Variants in FLRT2 observed in about 807,000 individuals in gnomAD.
FLRT2 encodes the protein leucine-rich repeat transmembrane protein FLRT2.
FLRT2 carries 15 observed loss-of-function variants against 40.0 expected under a neutral mutation model. The ratio of observed to expected loss-of-function variants is 0.38; its 90% CI spans 0.25 to 0.58. The LOEUF is 0.58. FLRT2 is among the 20% of genes least tolerant of loss of function. The pLI is 0.71. For missense variants in FLRT2, 726 were observed against 840.0 expected (o/e 0.86, Z 1.68); for synonymous variants, 380 against 336.8 (o/e 1.13, Z -1.41).
intron 1 of FLRT2, among the ~76,000 whole-genome samples, chr14:85,584,801 A>C (rs1312955034): frequency 1.3e-5 from 2 of 152,026 alleles, no homozygotes; most frequent in African/African-American, 4.8e-5. Flanking sequence ...TGGTGGGTTC[A>C]GGCAACGCTG....
chr14:85,532,655 A>C (rs1169754956), intron 1 of FLRT2, among the ~76,000 whole-genome samples: 1 of 152,156 alleles, frequency 6.6e-6, no homozygotes, highest in Non-Finnish European at 1.5e-5. Context: ...GGGGGTGTTT[A>C]AATTAATCCT....
Position 85,631,826 on chromosome 14 carries a change from T to A in FLRT2, c.*8329T>A, listed in dbSNP as rs1893881634. 3 of 152,080 alleles carry A rather than the reference T, an allele frequency of 2.0e-5. No homozygotes were observed. Among genetic ancestry groups the A allele is most frequent in the African/African-American group, 7.2e-5 (3 of 41,406 alleles). The allele number at this position is 152,080 out of a possible 1,614,324, so 9.4% of individuals were successfully genotyped here. A position where few individuals can be genotyped will look rare whatever the true frequency, so the allele number is the denominator to read the frequency against. On this transcript the variant is annotated 3_prime_UTR_variant, in exon 2 of 2. Transcript: ENST00000330753. The stretch of plus-strand genomic sequence containing the variant: ...AGACCTGAAGAACATCTTTTTATTT[T>A]ATTTATTTATTTTTTTTTGAGTTGG...
chr14:85,534,069 CCT>C (rs74844831), intron 1 of FLRT2, among the ~76,000 whole-genome samples: 28,734 of 152,096 alleles, frequency 0.19, 3,203 homozygotes, highest in Non-Finnish European at 0.24. Flanking sequence ...CCTTCCTGGC[CCT>C]CGCGGGTCTG....
intron 1 of FLRT2, among the ~76,000 whole-genome samples, chr14:85,547,325 CT>C (rs57883277): frequency 0.32 from 43,803 of 138,976 alleles, 6,405 homozygotes; most frequent in Middle Eastern, 0.43. Context: ...TTCTTTCTTT[CT>C]TTTTTTTTTT....
chr14:85,552,183 T>C (rs1344076190), intron 1 of FLRT2, among the ~76,000 whole-genome samples: 1 of 152,208 alleles, frequency 6.6e-6, no homozygotes, highest in Admixed American at 6.5e-5. Flanking sequence ...GCAGTTCTAG[T>C]AATTCTCTGA....
rs1163645624 is a variant in FLRT2 at position 85,636,388 on chromosome 14, C to T, written c.*12891C>T. The T allele has an allele frequency of 1.1e-4, 1 of 8,772 alleles. No homozygotes were observed. Among genetic ancestry groups the T allele is most frequent in the Non-Finnish European group, 1.9e-4 (1 of 5,402 alleles). 0.5% of individuals were successfully genotyped at this position (8,772 alleles called of 1,614,324 possible). A position where few individuals can be genotyped will look rare whatever the true frequency, so the allele number is the denominator to read the frequency against. ...GGAAAATCAAAGGTGAAGTCACCTGCAGAAAAAAAAAAAAAAAAAACAAAA... is the reference window on the plus strand; with the variant it reads ...GGAAAATCAAAGGTGAAGTCACCTGTAGAAAAAAAAAAAAAAAAAACAAAA... On this transcript the variant is annotated 3_prime_UTR_variant, in exon 2 of 2. Coordinates refer to ENST00000330753, the MANE Select transcript of FLRT2 (RefSeq NM_013231.6).
rs1219795548 is a variant in FLRT2, at chr14:85,637,242, C to A, written c.*13745C>A. ...TAACAAGTAGTTGAAAATATTATCC[C>A]TCTAAGTATTAGAAAGTTAAACTGC... On this transcript the variant is annotated 3_prime_UTR_variant, in exon 2 of 2. Coordinates refer to ENST00000330753, the MANE Select transcript of FLRT2 (RefSeq NM_013231.6). The A allele has an allele frequency of 6.6e-6, 1 of 152,098 alleles. No homozygotes were observed. Among genetic ancestry groups the A allele is most frequent in the Admixed American group, 6.5e-5 (1 of 15,268 alleles). 9.4% of individuals were successfully genotyped at this position (152,098 alleles called of 1,614,324 possible).
At chr14:85,567,636 T>A (rs1458412630) in intron 1 of FLRT2, among the ~76,000 whole-genome samples, 1 of 9,788 alleles carries the variant, frequency 1.0e-4, no homozygotes, top group Non-Finnish European at 3.1e-4. Flanking sequence ...GTGACTTACA[T>A]TTTTTTTTTT....
At chr14:85,619,874 C>T (rs1183902928) in intron 1 of FLRT2, among the ~76,000 whole-genome samples, 2 of 152,198 alleles carry the variant, frequency 1.3e-5, no homozygotes, top group Non-Finnish European at 2.9e-5. Context: ...GCCTTGACTT[C>T]CTCAACTGTG....
chr14:85,642,075 C>A lies in FLRT2; in HGVS notation c.*18578C>A, dbSNP rs1271341093. Reference sequence around the variant, plus strand: ...CAAGGCAAGTCAGAGGTCCAAGGAGCATCTATGATTATCTCCGACACTATT... The same window carrying A: ...CAAGGCAAGTCAGAGGTCCAAGGAGAATCTATGATTATCTCCGACACTATT... On this transcript the variant is annotated 3_prime_UTR_variant, in exon 2 of 2. Transcript: ENST00000330753. 1.4e-5 allele frequency: 2 copies of A among 143,606 alleles called. No individual in the cohort carries two copies. The highest frequency in any genetic ancestry group is 5.2e-5 in the African/African-American group (2 of 38,484). The allele number at this position is 143,606 out of a possible 1,614,324, so 8.9% of individuals were successfully genotyped here.
intron 1 of FLRT2, among the ~76,000 whole-genome samples, chr14:85,550,760 A>G (rs1055866140): frequency 6.6e-6 from 1 of 152,194 alleles, no homozygotes; most frequent in Non-Finnish European, 1.5e-5. Flanking sequence ...AAACATGGAT[A>G]TTAGAACTTA....
intron 1 of FLRT2, among the ~76,000 whole-genome samples, chr14:85,566,652 G>T (rs1890636092): frequency 6.7e-6 from 1 of 150,202 alleles, no homozygotes; most frequent in African/African-American, 2.5e-5. Context: ...TTCAGTAGTT[G>T]ATCCAAATAC....
At chr14:85,571,402 T>C (rs1342760193) in intron 1 of FLRT2, among the ~76,000 whole-genome samples, 1 of 152,200 alleles carries the variant, frequency 6.6e-6, no homozygotes. Flanking sequence ...CACTTAACTG[T>C]TGACAATTGG....
At position 85,639,865 on chromosome 14, in the gene FLRT2, T is replaced by TC. The variant is rs1353727674; in HGVS notation, c.*16368_*16369insC. The TC allele has an allele frequency of 1.2e-4, 18 of 148,464 alleles. No individual in the cohort carries two copies. Among genetic ancestry groups the TC allele is most frequent in the Admixed American group, 1.1e-3 (17 of 14,794 alleles). The allele number at this position is 148,464 out of a possible 1,614,324, so 9.2% of individuals were successfully genotyped here. On this transcript the variant is annotated 3_prime_UTR_variant, in exon 2 of 2. Coordinates refer to ENST00000330753, the MANE Select transcript of FLRT2 (RefSeq NM_013231.6). ...TTTTTTTTTTCCTTTTTTTTTTTTT[T>TC]TGAGACAGTGTCTCGCTCTGTCCCC...
chr14:85,592,608 G>A (rs369546343), intron 1 of FLRT2, among the ~76,000 whole-genome samples: 1 of 151,750 alleles, frequency 6.6e-6, no homozygotes, highest in Non-Finnish European at 1.5e-5. Context: ...GGCCAACATG[G>A]TGAAACCCTA....
chr14:85,584,106 G>A (rs562937158), intron 1 of FLRT2, among the ~76,000 whole-genome samples: 1 of 152,246 alleles, frequency 6.6e-6, no homozygotes, highest in South Asian at 2.1e-4. Context: ...CCTCACCAGT[G>A]AGTTTGCAGG....
intron 1 of FLRT2, among the ~76,000 whole-genome samples, chr14:85,605,638 C>T (rs111524786): frequency 0.012 from 1,826 of 152,074 alleles, 36 homozygotes; most frequent in African/African-American, 0.042. Context: ...GGCGTGGTGG[C>T]GGGCACCTGT....
intron 1 of FLRT2, among the ~76,000 whole-genome samples, chr14:85,611,446 T>G (rs1354868756): frequency 6.6e-6 from 1 of 152,174 alleles, no homozygotes; most frequent in Non-Finnish European, 1.5e-5. Flanking sequence ...TTAAAAAGCG[T>G]CAGAGAACCA....
At chr14:85,617,324 A>G (rs531518639) in intron 1 of FLRT2, among the ~76,000 whole-genome samples, 1 of 152,358 alleles carries the variant, frequency 6.6e-6, no homozygotes, top group African/African-American at 2.4e-5. Flanking sequence ...TGCCATGTAC[A>G]GACATAAGCT....
Sources: allele counts gnomAD v4.1 joint callset (sites outside exome capture counted in the v4.1 genomes callset), GRCh38; gene constraint gnomAD v4.1.1; transcripts MANE v1.5; gene names NCBI Gene and HGNC (gene_info 2026-07-23, HGNC 2026-07-21).